GSTM2: variants seen among roughly 807,000 people sequenced by gnomAD.
GSTM2 encodes GST class-mu 2.
Under a neutral mutation model 33.3 loss-of-function variants are expected in GSTM2, and 33 were observed. The ratio of observed to expected loss-of-function variants is 0.99; its 90% CI spans 0.75 to 1.33. The LOEUF (loss-of-function observed/expected upper bound fraction) is 1.33. Ranked by LOEUF, GSTM2 falls within the 40% of genes most tolerant of loss-of-function variation. GSTM2 has a pLI of 0.00. For synonymous variants in GSTM2, 93 were observed against 95.6 expected, an observed-to-expected ratio of 0.97 and a Z score of 0.16; for missense variants, 213 against 265.8, an observed-to-expected ratio of 0.80 and a Z score of 1.38.
downstream of GSTM2, among the ~76,000 whole-genome samples, chr1:109,677,183 G>A (rs1212829652): frequency 6.6e-6 from 1 of 152,148 alleles, no homozygotes. Context: ...ACCGACAATT[G>A]TTGGTGATTT....
At chr1:109,671,230 C>T (rs988399767) in intron 5 of GSTM2, 57 bp from the exon 6 acceptor site, 59 of 1,269,482 alleles carry the variant, frequency 4.6e-5, no homozygotes, top group South Asian at 1.3e-4. Flanking sequence ...AACTGGGAGG[C>T]CGCATCTGTG....
At chr1:109,674,684 G>C (rs909893162) in intron 7 of GSTM2, 63 bp from the exon 8 acceptor site, 2 of 1,612,444 alleles carry the variant, frequency 1.2e-6, no homozygotes, top group South Asian at 1.1e-5. Context: ...GTCTGCAGTG[G>C]GGTTGTGCCA....
In GSTM2 at chr1:109,674,824, G is replaced by C. The variant is rs1311136074; in HGVS notation, c.645G>C (p.Trp215Cys). The C allele has an allele frequency of 1.2e-6, 2 of 1,614,178 alleles. No individual in the cohort carries two copies. The highest frequency in any genetic ancestry group is 1.7e-5 in the Admixed American group (1 of 60,030). ...CTGTGTTCACAAAGATGGCTGTCTGGGGCAACAAGTAGGGCCTTGAAGGCC... is the reference window on the plus strand; with the variant it reads ...CTGTGTTCACAAAGATGGCTGTCTGCGGCAACAAGTAGGGCCTTGAAGGCC... ...PRPVFTKMAV[W>C]GNK The change falls in exon 8 of 8, where the codon TGG becomes TGC. Residue 215 changes from tryptophan to cysteine, a missense_variant. Coordinates refer to ENST00000241337, the MANE Select transcript of GSTM2 (RefSeq NM_000848.4).
intron 2 of GSTM2, 78 bp downstream of exon 2, chr1:109,668,578 C>G: frequency 6.6e-7 from 1 of 1,503,924 alleles, no homozygotes; most frequent in South Asian, 1.1e-5. Flanking sequence ...CCACCTGTGG[C>G]TGACTCTGCA....
chr1:109,669,282 C>A lies in GSTM2; in HGVS notation c.178-8C>A, dbSNP rs367858323. 93 of 1,614,116 alleles carry A rather than the reference C, an allele frequency of 5.8e-5. No homozygotes were observed. The African/African-American group carries it at 5.9e-4, about 10-fold the overall frequency. On this transcript the variant is annotated splice_region_variant and splice_polypyrimidine_tract_variant and intron_variant, in intron 3 of 7. Coordinates refer to ENST00000241337, the MANE Select transcript of GSTM2 (RefSeq NM_000848.4). ...CAACTGAGCTTCCCCGGTTTCCCAT[C>A]TATCCAGCTGCCCTACTTGATTGAT...
chr1:109,668,177 G>A lies in GSTM2; in HGVS notation c.36+26G>A, dbSNP rs1366867197. The A allele has an allele frequency of 3.1e-6, 5 of 1,596,998 alleles. No individual in the cohort carries two copies. The African/African-American group carries it at 4.0e-5, about 13-fold the overall frequency. On this transcript the variant is annotated intron_variant, in intron 1 of 7. Transcript: ENST00000241337. ...GTGAGCCAGGGTCCGCTGGGCGGTGGGACGGGGGTGCGTGGGGGCGGGGAA... is the reference window on the plus strand; with the variant it reads ...GTGAGCCAGGGTCCGCTGGGCGGTGAGACGGGGGTGCGTGGGGGCGGGGAA...
chr1:109,674,107 C>A (rs2101256341), intron 7 of GSTM2, among the ~76,000 whole-genome samples: 1 of 152,284 alleles, frequency 6.6e-6, no homozygotes, highest in South Asian at 2.1e-4. Flanking sequence ...ACTGCCACTC[C>A]CCATTCCACT....
At chr1:109,682,457 G>A (rs1242268977) in intron 7 of GSTM2, among the ~76,000 whole-genome samples, 7 of 77,072 alleles carry the variant, frequency 9.1e-5, no homozygotes, top group Admixed American at 3.9e-4. Flanking sequence ...AGCCAGGATG[G>A]TCTTGATCTC....
intron 5 of GSTM2, chr1:109,670,920 AC>A (rs1214454548): frequency 3.2e-5 from 6 of 186,472 alleles, no homozygotes; most frequent in Non-Finnish European, 5.6e-5. Flanking sequence ...GGAAATTTCT[AC>A]TTCTTTCTCT....
chr1:109,679,465 G>A (rs113600326), downstream of GSTM2, among the ~76,000 whole-genome samples: 14 of 152,256 alleles, frequency 9.2e-5, 1 homozygote, highest in African/African-American at 3.1e-4. Context: ...GTGACAGAGT[G>A]AGATTCCATC....
In GSTM2 at chr1:109,682,678, C is replaced by T. The variant is rs1158888535; in HGVS notation, c.567+11095C>T. Among the ~76,000 whole-genome samples the T allele has an allele frequency of 6.3e-5, 8 of 127,878 alleles. 1 individual carries two copies. Among genetic ancestry groups the T allele is most frequent in the Admixed American group, 3.8e-4 (5 of 13,248 alleles). The allele number at this position is 127,878 out of a possible 152,430, so 83.9% of individuals were successfully genotyped here. A position where few individuals can be genotyped will look rare whatever the true frequency, so the allele number is the denominator to read the frequency against. ...TTTCTTGAAATTCTAGTTTGTTTGC[C>T]TTATTCTTGGTATCACAGGCATGTT... On this transcript the variant is annotated intron_variant, in intron 7 of 7. Coordinates refer to the GSTM2 transcript ENST00000369831.
chr1:109,680,160 TTG>T (rs1647827067), downstream of GSTM2, among the ~76,000 whole-genome samples: 1 of 151,096 alleles, frequency 6.6e-6, no homozygotes, highest in South Asian at 2.1e-4. Flanking sequence ...CACTCCAAAA[TTG>T]TGTGAGCCAA....
chr1:109,671,969 T>C (rs1570629313), intron 7 of GSTM2, among the ~76,000 whole-genome samples: 4 of 65,110 alleles, frequency 6.1e-5, no homozygotes, highest in Admixed American at 2.3e-4. Context: ...TGACTCCATC[T>C]CAAGAAAAAA....
downstream of GSTM2, among the ~76,000 whole-genome samples, chr1:109,679,636 A>C (rs71665038): frequency 4.6e-5 from 7 of 152,100 alleles, no homozygotes; most frequent in African/African-American, 1.7e-4. Context: ...GGCTTAGTCA[A>C]CTCCTGGAGA....
rs202181206 is a variant in GSTM2 at position 109,671,393 on chromosome 1, C to T, written c.456+11C>T. On this transcript the variant is annotated intron_variant, in intron 6 of 7. Coordinates refer to ENST00000241337, the MANE Select transcript of GSTM2 (RefSeq NM_000848.4). ...TTTCTTGGGGACAAGGTAATGGGGG[C>T]GTGTGATGGGGACACCACAGATTTG... The T allele has an allele frequency of 1.4e-4, 227 of 1,596,872 alleles. No homozygotes were observed. Among genetic ancestry groups the T allele is most frequent in the South Asian group, 7.1e-4 (64 of 90,764 alleles).
chr1:109,669,164 G>A (rs1182951061), intron 3 of GSTM2, 126 bp from the exon 4 acceptor site: 9 of 1,288,702 alleles, frequency 7.0e-6, no homozygotes, highest in African/African-American at 4.4e-5. Flanking sequence ...TTATTAGTGT[G>A]ACAGTATTTC....
At chr1:109,671,991 A>AG (rs1647559446) in intron 7 of GSTM2, among the ~76,000 whole-genome samples, 1 of 150,874 alleles carries the variant, frequency 6.6e-6, no homozygotes, top group Non-Finnish European at 1.5e-5. Flanking sequence ...AAAAAAAAAA[A>AG]AAAAGGAGCC....
At chr1:109,672,212 G>A (rs1290568039) in intron 7 of GSTM2, among the ~76,000 whole-genome samples, 4 of 152,218 alleles carry the variant, frequency 2.6e-5, no homozygotes, top group Admixed American at 1.3e-4. Context: ...CCTGGGAGGC[G>A]GAGGTTGCGG....
Position 109,668,377 on chromosome 1 carries a change from G to T in GSTM2, c.37-48G>T, listed in dbSNP as rs767114550. On this transcript the variant is annotated intron_variant, in intron 1 of 7. Transcript: ENST00000241337. Reference sequence around the variant, plus strand: ...TCCCCTTGTGCAGAGTCGTCACAAAGTCAGGGACCCTCCATCTCTGACCCG... The same window carrying T: ...TCCCCTTGTGCAGAGTCGTCACAAATTCAGGGACCCTCCATCTCTGACCCG... The T allele has an allele frequency of 5.6e-6, 9 of 1,598,742 alleles. No homozygotes were observed. The East Asian group carries it at 1.8e-4, about 32-fold the overall frequency.
Sources: allele counts gnomAD v4.1 joint callset (sites outside exome capture counted in the v4.1 genomes callset), GRCh38; gene constraint gnomAD v4.1.1; transcripts MANE v1.5; gene names NCBI Gene and HGNC (gene_info 2026-07-23, HGNC 2026-07-21).